Variants in STRN observed in about 807,000 individuals in gnomAD.
STRN encodes the protein striatin, also known as protein phosphatase 2 regulatory subunit B'''alpha.
A neutral mutation model predicts 96.3 loss-of-function variants in STRN; 53 were observed. That is an observed-to-expected ratio of 0.55 (90% CI 0.44 to 0.69). The LOEUF (loss-of-function observed/expected upper bound fraction) is 0.69, where lower values mean the gene tolerates loss of function less well. Among genes scored for constraint, STRN ranks in the 30% least tolerant of loss-of-function variants. The pLI is 0.00. For synonymous variants in STRN, 428 were observed against 355.9 expected, an observed-to-expected ratio of 1.20 and a Z score of -2.28; for missense variants, 987 against 963.9, an observed-to-expected ratio of 1.02 and a Z score of -0.32.
At chr2:36,958,463 G>A (rs1032181266) in intron 1 of STRN, among the ~76,000 whole-genome samples, 17 of 152,126 alleles carry the variant, frequency 1.1e-4, no homozygotes, top group African/African-American at 2.7e-4. Flanking sequence ...AGAAATGACC[G>A]AGCAGATTTG....
chr2:36,848,587 TATAA>T lies in STRN; in HGVS notation c.*865_*868del, dbSNP rs1305176059. On this transcript the variant is annotated 3_prime_UTR_variant, in exon 18 of 18. Transcript: ENST00000263918. ...TGGTATGAAATAATCACTCTGGTAC[TATAA>T]ATGTCACATGAATAAAGTGAATTTT... 6.6e-6 allele frequency: 1 copy of T among 152,208 alleles called. No homozygotes were observed. The highest frequency in any genetic ancestry group is 2.4e-5 in the African/African-American group (1 of 41,448). The allele number at this position is 152,208 out of a possible 1,614,324, so 9.4% of individuals were successfully genotyped here. A position where few individuals can be genotyped will look rare whatever the true frequency, so the allele number is the denominator to read the frequency against.
intron 15 of STRN, 88 bp downstream of exon 15, chr2:36,855,124 C>G (rs1231025146): frequency 7.3e-7 from 1 of 1,369,546 alleles, no homozygotes; most frequent in Non-Finnish European, 1.0e-6. Context: ...TTTATAATGA[C>G]AAATATTTTT....
intron 6 of STRN, among the ~76,000 whole-genome samples, chr2:36,895,756 CAA>C (rs55863837): frequency 0.42 from 55,280 of 130,926 alleles, 12,929 homozygotes; most frequent in Non-Finnish European, 0.53. Context: ...ACTAAAAATA[CAA>C]AAAAAAAAAA....
rs70946957 is a variant in STRN, at chr2:36,887,042, GACACACACACACACACAC to G, written c.932-234_932-217del. On this transcript the variant is annotated intron_variant, in intron 7 of 17. Coordinates refer to ENST00000263918, the MANE Select transcript of STRN (RefSeq NM_003162.4). The stretch of plus-strand genomic sequence containing the variant: ...TTCCTAGAATCAGTTTCTCCTGAAA[GACACACACACACACACAC>G]ACACACACACACACACACACACACA... 6.0e-4 allele frequency among the ~76,000 whole-genome samples: 87 copies of G among 144,880 alleles called. 2 individuals are homozygous for G. Among genetic ancestry groups the G allele is most frequent in the African/African-American group, 2.9e-4 (11 of 38,518 alleles).
At chr2:36,965,801 G>A (rs1378613397) in intron 1 of STRN, among the ~76,000 whole-genome samples, 1 of 152,166 alleles carries the variant, frequency 6.6e-6, no homozygotes, top group South Asian at 2.1e-4. Context: ...TTGAAGAGAG[G>A]GGCCAAAGCC....
chr2:36,959,112 T>C (rs1664967293), intron 1 of STRN, among the ~76,000 whole-genome samples: 1 of 152,038 alleles, frequency 6.6e-6, no homozygotes, highest in Non-Finnish European at 1.5e-5. Context: ...CTAGACTCCA[T>C]CTCAAAAAAA....
intron 1 of STRN, among the ~76,000 whole-genome samples, chr2:36,943,306 C>T (rs1467800263): frequency 6.6e-6 from 1 of 151,822 alleles, no homozygotes; most frequent in Non-Finnish European, 1.5e-5. Context: ...TCTCAACTTT[C>T]TTGTATGAAG....
Position 36,844,803 on chromosome 2 carries a change from T to C in STRN, c.*4653A>G, listed in dbSNP as rs1056312548. On this transcript the variant is annotated 3_prime_UTR_variant, in exon 18 of 18. Transcript: ENST00000263918. ...ATATTGCCAATTAAAAAGTTTGTAG[T>C]GGCAAAAGTAAAAATGATTCAAATT... 2.0e-5 allele frequency: 3 copies of C among 152,172 alleles called. No homozygotes were observed. Among genetic ancestry groups the C allele is most frequent in the Non-Finnish European group, 4.4e-5 (3 of 68,028 alleles). 9.4% of individuals were successfully genotyped at this position (152,172 alleles called of 1,614,324 possible). A position where few individuals can be genotyped will look rare whatever the true frequency, so the allele number is the denominator to read the frequency against.
intron 1 of STRN, among the ~76,000 whole-genome samples, chr2:36,931,412 C>T (rs764707020): frequency 7.2e-5 from 11 of 152,138 alleles, no homozygotes; most frequent in Non-Finnish European, 1.5e-4. Context: ...CTTCCAATCT[C>T]GTTAGGGTAC....
At chr2:36,929,764 T>C (rs1180396346) in intron 1 of STRN, among the ~76,000 whole-genome samples, 1 of 152,176 alleles carries the variant, frequency 6.6e-6, no homozygotes, top group East Asian at 1.9e-4. Context: ...GAGAAGTAAA[T>C]TCAAAATGAA....
chr2:36,960,552 T>C (rs544418730), intron 1 of STRN, among the ~76,000 whole-genome samples: 16 of 152,242 alleles, frequency 1.1e-4, no homozygotes, highest in Admixed American at 2.6e-4. Flanking sequence ...CTTTATCTTA[T>C]GTACCATGCC....
At chr2:36,856,849 G>C (rs1257968685) in intron 14 of STRN, among the ~76,000 whole-genome samples, 1 of 152,044 alleles carries the variant, frequency 6.6e-6, no homozygotes, top group Non-Finnish European at 1.5e-5. Context: ...ACAAGATTTG[G>C]TTGTTTAAAA....
At chr2:36,884,502 G>A (rs1451442124) in intron 8 of STRN, among the ~76,000 whole-genome samples, 1 of 152,138 alleles carries the variant, frequency 6.6e-6, no homozygotes, top group Non-Finnish European at 1.5e-5. Context: ...GAAGTCTCAT[G>A]CCCTACCGAT....
chr2:36,904,792 G>C (rs902586740), intron 4 of STRN, among the ~76,000 whole-genome samples: 42 of 152,106 alleles, frequency 2.8e-4, no homozygotes, highest in Non-Finnish European at 2.9e-5. Context: ...TGTGCCACTG[G>C]ACTCCAGCCT....
chr2:36,895,304 G>C (rs1669509722), intron 6 of STRN, among the ~76,000 whole-genome samples: 1 of 151,692 alleles, frequency 6.6e-6, no homozygotes, highest in African/African-American at 2.4e-5. Flanking sequence ...TCCAGCCTGG[G>C]CGACAGAGCA....
At chr2:36,890,004 A>G (rs1477997358) in intron 7 of STRN, among the ~76,000 whole-genome samples, 3 of 152,254 alleles carry the variant, frequency 2.0e-5, no homozygotes, top group Non-Finnish European at 2.9e-5. Flanking sequence ...GGAACAGTGC[A>G]GCTGTCCTCG....
chr2:36,924,999 T>C, intron 2 of STRN, 106 bp downstream of exon 2: 1 of 959,138 alleles, frequency 1.0e-6, no homozygotes, highest in East Asian at 2.5e-5. Context: ...GAGGTCGCGG[T>C]GAGCCAAGAT....
chr2:36,926,619 A>G (rs1386131162), intron 1 of STRN, among the ~76,000 whole-genome samples: 1 of 152,204 alleles, frequency 6.6e-6, no homozygotes, highest in Non-Finnish European at 1.5e-5. Flanking sequence ...AAGAAACATA[A>G]AATCCAACTT....
At chr2:36,963,469 AAAG>A (rs1330241755) in intron 1 of STRN, among the ~76,000 whole-genome samples, 7 of 152,256 alleles carry the variant, frequency 4.6e-5, no homozygotes, top group Admixed American at 3.9e-4. Context: ...AAAGAAAAAT[AAAG>A]AAGATTCAAA....
Sources: allele counts gnomAD v4.1 joint callset (sites outside exome capture counted in the v4.1 genomes callset), GRCh38; gene constraint gnomAD v4.1.1; transcripts MANE v1.5; gene names NCBI Gene and HGNC (gene_info 2026-07-23, HGNC 2026-07-21).